The following DCHS2 variants were observed in gnomAD, a reference collection of about 807,000 sequenced individuals.
DCHS2 encodes the protein dachsous cadherin-related 2.
Under a neutral mutation model 182.4 loss-of-function variants are expected in DCHS2, and 142 were observed. The ratio of observed to expected loss-of-function variants is 0.78; its 90% CI spans 0.68 to 0.89. DCHS2 has a LOEUF of 0.89. DCHS2 is among the 40% of genes least tolerant of loss of function. DCHS2 has a pLI of 0.00. For synonymous variants in DCHS2, 1,740 were observed against 1,663.3 expected, an observed-to-expected ratio of 1.05 and a Z score of -1.12; for missense variants, 4,319 against 4,198.6, an observed-to-expected ratio of 1.03 and a Z score of -0.79.
Position 154,285,589 on chromosome 4 carries a change from C to A in DCHS2, c.6463+12262G>T, listed in dbSNP as rs943367729. Among the ~76,000 whole-genome samples, 5 of 152,158 alleles carry A rather than the reference C, an allele frequency of 3.3e-5. No individual in the cohort carries two copies. In the East Asian group the frequency reaches 9.7e-4, roughly 29 times the overall value. On this transcript the variant is annotated intron_variant, in intron 13 of 19. Coordinates refer to ENST00000357232, the MANE Select transcript of DCHS2 (RefSeq NM_001358235.2). Reference sequence around the variant, plus strand: ...GGCCTTGAGTGAACATTAGCAGTAGCCAGACAGTATTCCTCATGGGCCTGG... The same window carrying A: ...GGCCTTGAGTGAACATTAGCAGTAGACAGACAGTATTCCTCATGGGCCTGG...
At chr4:154,323,389 G>T in intron 7 of DCHS2, 1 of 1,533,150 alleles carries the variant, frequency 6.5e-7, no homozygotes, top group Non-Finnish European at 8.8e-7. Flanking sequence ...GAGCGCAATT[G>T]TGCCATGATA....
At chr4:154,242,390 G>T (rs962075877) in intron 17 of DCHS2, among the ~76,000 whole-genome samples, 29 of 152,144 alleles carry the variant, frequency 1.9e-4, no homozygotes, top group Non-Finnish European at 3.5e-4. Context: ...GGAAATGTCT[G>T]CATTATAAAC....
chr4:154,378,851 A>T (rs1215845397), intron 1 of DCHS2, among the ~76,000 whole-genome samples: 1 of 152,150 alleles, frequency 6.6e-6, no homozygotes, highest in African/African-American at 2.4e-5. Flanking sequence ...ATCAGACCCC[A>T]AATCTCCTGA....
At chr4:154,351,741 CA>C (rs939555439) in intron 3 of DCHS2, among the ~76,000 whole-genome samples, 1 of 152,108 alleles carries the variant, frequency 6.6e-6, no homozygotes, top group Non-Finnish European at 1.5e-5. Context: ...AGATCTCCTG[CA>C]CGCACAGTTC....
chr4:154,463,389 C>G (rs1173481841), intron 1 of DCHS2, among the ~76,000 whole-genome samples: 1 of 151,964 alleles, frequency 6.6e-6, no homozygotes, highest in Non-Finnish European at 1.5e-5. Flanking sequence ...TAGCATTTTT[C>G]CGGGACATAA....
At chr4:154,434,406 A>T (rs925085164) in intron 1 of DCHS2, among the ~76,000 whole-genome samples, 11 of 152,200 alleles carry the variant, frequency 7.2e-5, no homozygotes, top group African/African-American at 2.4e-4. Context: ...TGGGTGAGAG[A>T]GTGAGACCCT....
At chr4:154,285,022 A>C (rs1324532621) in intron 13 of DCHS2, among the ~76,000 whole-genome samples, 1 of 152,126 alleles carries the variant, frequency 6.6e-6, no homozygotes, top group Non-Finnish European at 1.5e-5. Context: ...TTTGTCTTGC[A>C]ACTTGGATAC....
chr4:154,482,040 A>C (rs1046755789), intron 1 of DCHS2, among the ~76,000 whole-genome samples: 7 of 152,206 alleles, frequency 4.6e-5, no homozygotes, highest in African/African-American at 1.7e-4. Context: ...TGGGCTGTTT[A>C]AAAGGAAATT....
chr4:154,379,920 C>A (rs1398179355), intron 1 of DCHS2, among the ~76,000 whole-genome samples: 1 of 152,056 alleles, frequency 6.6e-6, no homozygotes, highest in African/African-American at 2.4e-5. Flanking sequence ...GTTTGCCCCC[C>A]AAGAAGACAT....
chr4:154,365,389 A>G (rs1006936596), intron 3 of DCHS2, among the ~76,000 whole-genome samples: 5 of 152,214 alleles, frequency 3.3e-5, no homozygotes, highest in African/African-American at 1.2e-4. Flanking sequence ...TGCAAGGTAA[A>G]TACTGGCCAA....
At chr4:154,249,467 G>C (rs910522896) in intron 16 of DCHS2, among the ~76,000 whole-genome samples, 3 of 152,178 alleles carry the variant, frequency 2.0e-5, no homozygotes, top group African/African-American at 7.2e-5. Context: ...TTAATACATT[G>C]TTGGGAATGT....
At chr4:154,296,959 G>C (rs1734952341) in intron 13 of DCHS2, among the ~76,000 whole-genome samples, 1 of 152,172 alleles carries the variant, frequency 6.6e-6, no homozygotes, top group African/African-American at 2.4e-5. Context: ...CTGGTAGGTG[G>C]ATTTACAATC....
chr4:154,273,098 A>G (rs768498341), intron 13 of DCHS2, among the ~76,000 whole-genome samples: 5 of 152,180 alleles, frequency 3.3e-5, no homozygotes, highest in African/African-American at 7.2e-5. Context: ...ACTTCTGGAT[A>G]TCTACCCAGA....
At chr4:154,391,743 G>A (rs931136656) in intron 1 of DCHS2, among the ~76,000 whole-genome samples, 1 of 152,120 alleles carries the variant, frequency 6.6e-6, no homozygotes, top group African/African-American at 2.4e-5. Context: ...AAGAAAACAA[G>A]ATATTTTTCT....
At position 154,489,993 on chromosome 4, in the gene DCHS2, T is replaced by C; in HGVS notation, c.1363A>G (p.Thr455Ala). 4 of 1,549,978 alleles carry C rather than the reference T, an allele frequency of 2.6e-6. No individual in the cohort carries two copies. The highest frequency in any genetic ancestry group is 3.5e-6 in the Non-Finnish European group (4 of 1,146,844). ...DGDWEKEDEA[T>A]GELGVGLGDG... ...CCAAGACCCACACCAAGCTCCCCTG[T>C]GGCCTCATCTTCCTTCTCCCAGTCA... The change falls in exon 1 of 20, where the codon ACA (threonine) becomes GCA (alanine). Residue 455 changes from threonine (T) to alanine (A), a missense_variant. By Grantham distance (58) the Thr-to-Ala change is moderately conservative (BLOSUM62 0). Transcript: ENST00000357232.
intron 1 of DCHS2, among the ~76,000 whole-genome samples, chr4:154,442,496 T>C: frequency 6.8e-6 from 1 of 147,192 alleles, no homozygotes; most frequent in African/African-American, 2.5e-5. Context: ...CTGAATATTC[T>C]CTTCACTTTT....
intron 1 of DCHS2, among the ~76,000 whole-genome samples, chr4:154,481,421 C>G (rs1160635186): frequency 2.6e-5 from 4 of 151,930 alleles, no homozygotes; most frequent in Non-Finnish European, 5.9e-5. Context: ...ATCACCACAC[C>G]TGGCTAATTT....
intron 1 of DCHS2, among the ~76,000 whole-genome samples, chr4:154,455,513 T>C (rs1734726300): frequency 6.6e-6 from 1 of 152,246 alleles, no homozygotes; most frequent in African/African-American, 2.4e-5. Context: ...TTTATCTAAT[T>C]ATGAAAACAA....
At chr4:154,322,659 T>C (rs1352713) in intron 7 of DCHS2, 171 bp from the exon 8 acceptor site, 1 of 942,024 alleles carries the variant, frequency 1.1e-6, no homozygotes. Context: ...TTTTTAAAAA[T>C]TTTTATTATG....
Sources: allele counts gnomAD v4.1 joint callset (sites outside exome capture counted in the v4.1 genomes callset), GRCh38; gene constraint gnomAD v4.1.1; transcripts MANE v1.5; gene names NCBI Gene and HGNC (gene_info 2026-07-23, HGNC 2026-07-21).